The following TMTC2 variants were observed in gnomAD, a reference collection of about 807,000 sequenced individuals.
TMTC2 encodes the protein protein O-mannosyl-transferase TMTC2.
A neutral mutation model predicts 82.4 loss-of-function variants in TMTC2; 43 were observed. The ratio of observed to expected loss-of-function variants is 0.52; its 90% CI spans 0.41 to 0.67. TMTC2 has a LOEUF of 0.67. Among genes scored for constraint, TMTC2 ranks in the 30% least tolerant of loss-of-function variants. The pLI is 0.00. For missense variants in TMTC2, 919 were observed against 1,012.4 expected, an observed-to-expected ratio of 0.91 and a Z score of 1.25; for synonymous variants, 408 against 381.9, an observed-to-expected ratio of 1.07 and a Z score of -0.80.
Position 82,973,662 on chromosome 12 carries a change from A to C in TMTC2, c.1948+6665A>C, listed in dbSNP as rs566642139. On this transcript the variant is annotated intron_variant, in intron 7 of 11. Coordinates refer to ENST00000321196, the MANE Select transcript of TMTC2 (RefSeq NM_152588.3). The stretch of plus-strand genomic sequence containing the variant: ...ACGCTAATTTGCTAGGCATTAGTCT[A>C]TACACTACAAAGGCTAGCATCCAGT... Among the ~76,000 whole-genome samples, 5 of 152,342 alleles carry C rather than the reference A, an allele frequency of 3.3e-5. No individual in the cohort carries two copies. The East Asian group carries it at 9.6e-4, about 29-fold the overall frequency.
intron 1 of TMTC2, among the ~76,000 whole-genome samples, chr12:82,843,910 T>C (rs534591711): frequency 1.2e-3 from 188 of 152,266 alleles, no homozygotes; most frequent in African/African-American, 4.4e-3. Flanking sequence ...ATCACACCAC[T>C]GCACTCCAGC....
intron 11 of TMTC2, among the ~76,000 whole-genome samples, chr12:83,124,603 G>A (rs942683802): frequency 6.6e-6 from 1 of 151,276 alleles, no homozygotes; most frequent in Non-Finnish European, 1.5e-5. Context: ...TGTCAGAGAG[G>A]GTGGAAGAAG....
At chr12:82,965,460 G>T in intron 5 of TMTC2, 100 bp from the exon 6 acceptor site, 2 of 1,283,066 alleles carry the variant, frequency 1.6e-6, no homozygotes, top group Admixed American at 2.3e-5. Flanking sequence ...CTTTTTTAAT[G>T]AGCACTAAAC....
intron 1 of TMTC2, among the ~76,000 whole-genome samples, chr12:82,703,938 T>G (rs539921135): frequency 6.6e-6 from 1 of 152,356 alleles, no homozygotes; most frequent in African/African-American, 2.4e-5. Flanking sequence ...CTAGGATATA[T>G]TTTGATTATG....
intron 7 of TMTC2, among the ~76,000 whole-genome samples, chr12:82,982,439 C>T (rs1592673376): frequency 2.1e-5 from 3 of 144,108 alleles, no homozygotes; most frequent in African/African-American, 5.1e-5. Context: ...TATCCATAAT[C>T]TTTTTTTTTT....
At position 82,895,845 on chromosome 12, in the gene TMTC2, A is replaced by C; in HGVS notation, c.682A>C (p.Ile228Leu). ...GAAGAACTTGTCGCTTTTCCTAAGC[A>C]TTAGTTTGTTAATTTTCTGGGGTTC... is the stretch of plus-strand genomic sequence containing the variant. ...KRKNLSLFLS[I>L]SLLIFWGSSL... The change falls in exon 3 of 12, where the codon ATT becomes CTT. Residue 228 changes from isoleucine (I) to leucine (L), a missense_variant. Coordinates refer to ENST00000321196, the MANE Select transcript of TMTC2 (RefSeq NM_152588.3). 6.2e-7 allele frequency: 1 copy of C among 1,612,072 alleles called. No individual in the cohort carries two copies. The highest frequency in any genetic ancestry group is 8.5e-7 in the Non-Finnish European group (1 of 1,179,084).
chr12:82,840,668 G>A (rs533938417), intron 1 of TMTC2, among the ~76,000 whole-genome samples: 1 of 152,326 alleles, frequency 6.6e-6, no homozygotes, highest in South Asian at 2.1e-4. Context: ...TCATAGACAT[G>A]GAGAGCTAAA....
intron 1 of TMTC2, among the ~76,000 whole-genome samples, chr12:82,757,929 T>C (rs1876427829): frequency 6.6e-6 from 1 of 151,980 alleles, no homozygotes. Context: ...CCTTCAAGAG[T>C]CTGATTGAAA....
At chr12:82,799,423 C>T (rs577573985) in intron 1 of TMTC2, among the ~76,000 whole-genome samples, 1 of 152,294 alleles carries the variant, frequency 6.6e-6, no homozygotes, top group East Asian at 1.9e-4. Context: ...CTTTCTCTCA[C>T]TACTGTAAGT....
intron 7 of TMTC2, among the ~76,000 whole-genome samples, chr12:82,967,350 A>C (rs1192650481): frequency 6.6e-6 from 1 of 152,112 alleles, no homozygotes; most frequent in Non-Finnish European, 1.5e-5. Flanking sequence ...TAATTTTAGT[A>C]AGTGTATCAA....
intron 1 of TMTC2, among the ~76,000 whole-genome samples, chr12:82,706,824 CT>C (rs541114058): frequency 4.6e-5 from 7 of 152,178 alleles, no homozygotes; most frequent in African/African-American, 1.4e-4. Context: ...ATGTAGATCA[CT>C]TTTGGGTGAA....
intron 8 of TMTC2, among the ~76,000 whole-genome samples, chr12:82,990,727 G>A (rs985510255): frequency 6.6e-6 from 1 of 151,958 alleles, no homozygotes; most frequent in Non-Finnish European, 1.5e-5. Flanking sequence ...CAATGTATTA[G>A]TTACTATCCC....
chr12:82,687,873 A>G (rs894885275), intron 1 of TMTC2, among the ~76,000 whole-genome samples: 9 of 152,258 alleles, frequency 5.9e-5, no homozygotes, highest in Admixed American at 1.3e-4. Context: ...TTCCGCTCCT[A>G]GTTTGCAGCA....
chr12:82,925,875 CT>C (rs1875677424), intron 3 of TMTC2, among the ~76,000 whole-genome samples: 1 of 152,054 alleles, frequency 6.6e-6, no homozygotes, highest in African/African-American at 2.4e-5. Flanking sequence ...ATGTCTCTCA[CT>C]TTACATCAAA....
intron 4 of TMTC2, among the ~76,000 whole-genome samples, chr12:82,938,361 C>G (rs528670879): frequency 6.6e-6 from 1 of 152,154 alleles, no homozygotes; most frequent in Admixed American, 6.6e-5. Flanking sequence ...AACAGTTTGG[C>G]CTGTGAGAAG....
chr12:82,866,288 C>T (rs376964022), intron 2 of TMTC2, among the ~76,000 whole-genome samples: 2 of 150,790 alleles, frequency 1.3e-5, no homozygotes, highest in African/African-American at 2.4e-5. Flanking sequence ...TCTCCTGTGT[C>T]CCTTCTCCCA....
chr12:82,778,059 T>G (rs1244426504), intron 1 of TMTC2, among the ~76,000 whole-genome samples: 1 of 149,214 alleles, frequency 6.7e-6, no homozygotes, highest in Non-Finnish European at 1.5e-5. Context: ...ATATAAAGAT[T>G]ACTCTTCGCA....
At chr12:83,039,867 T>C (rs1881823116) in intron 9 of TMTC2, among the ~76,000 whole-genome samples, 1 of 152,236 alleles carries the variant, frequency 6.6e-6, no homozygotes. Flanking sequence ...AAGTATACTA[T>C]AGGATTGCAA....
intron 3 of TMTC2, among the ~76,000 whole-genome samples, chr12:82,901,367 C>T (rs1874012495): frequency 6.9e-6 from 1 of 143,902 alleles, no homozygotes; most frequent in East Asian, 2.0e-4. Context: ...TGCAGTGGTG[C>T]GATCTTGGCT....
Sources: gnomAD v4.1 joint callset for allele counts (sites outside exome capture counted in the v4.1 genomes callset) on GRCh38, gnomAD v4.1.1 for gene constraint, MANE v1.5 for transcripts, NCBI Gene and HGNC (gene_info 2026-07-23, HGNC 2026-07-21) for gene names.